TMEM132C: variants seen among roughly 807,000 people sequenced by gnomAD.
TMEM132C encodes the protein protein phosphatase 1, regulatory subunit 152.
Under a neutral mutation model 61.4 loss-of-function variants are expected in TMEM132C, and 29 were observed. The ratio of observed to expected loss-of-function variants is 0.47; its 90% CI spans 0.35 to 0.64. The LOEUF (loss-of-function observed/expected upper bound fraction) is 0.64. TMEM132C is among the 30% of genes least tolerant of loss of function. The pLI, the probability that TMEM132C is intolerant of heterozygous loss-of-function variation, is 0.00. For missense variants in TMEM132C, 1,408 were observed against 1,476.9 expected, an observed-to-expected ratio of 0.95 and a Z score of 0.76; for synonymous variants, 656 against 633.1, an observed-to-expected ratio of 1.04 and a Z score of -0.54.
At chr12:128,579,828 T>C (rs1263359885) in intron 3 of TMEM132C, among the ~76,000 whole-genome samples, 1 of 152,196 alleles carries the variant, frequency 6.6e-6, no homozygotes, top group African/African-American at 2.4e-5. Context: ...CCAGGATAAA[T>C]GTCTTGATCC....
At chr12:128,393,115 T>C (rs182517859) in intron 1 of TMEM132C, among the ~76,000 whole-genome samples, 5 of 152,352 alleles carry the variant, frequency 3.3e-5, no homozygotes, top group East Asian at 1.9e-4. Flanking sequence ...CTAAGCATCA[T>C]TGCTTTAAAA....
chr12:128,295,460 CTG>C (rs34911890), intron 1 of TMEM132C, among the ~76,000 whole-genome samples: 34,588 of 151,784 alleles, frequency 0.23, 4,420 homozygotes, highest in East Asian at 0.5. Flanking sequence ...GATGAGAAAA[CTG>C]AGACGTGTAG....
intron 5 of TMEM132C, among the ~76,000 whole-genome samples, chr12:128,692,020 C>A (rs966570152): frequency 8.1e-5 from 12 of 148,926 alleles, no homozygotes; most frequent in Non-Finnish European, 1.3e-4. Flanking sequence ...ATCCACCCAT[C>A]AGTTCATCTA....
At chr12:128,440,070 T>C (rs1869732022) in intron 2 of TMEM132C, among the ~76,000 whole-genome samples, 1 of 152,210 alleles carries the variant, frequency 6.6e-6, no homozygotes, top group African/African-American at 2.4e-5. Flanking sequence ...AATGTCTACT[T>C]ATAGCTCTCT....
intron 2 of TMEM132C, among the ~76,000 whole-genome samples, chr12:128,481,351 C>T (rs1341153868): frequency 6.6e-6 from 1 of 152,196 alleles, no homozygotes; most frequent in Non-Finnish European, 1.5e-5. Flanking sequence ...CAAGGTTGCT[C>T]ATATGCCAGG....
chr12:128,427,385 GGGGTGTGTGT>G (rs1869222730), intron 2 of TMEM132C, among the ~76,000 whole-genome samples: 1 of 100,706 alleles, frequency 9.9e-6, no homozygotes, highest in Admixed American at 1.1e-4. Flanking sequence ...TACTTCCAAA[GGGGTGTGTGT>G]GTGTGTGTGT....
At chr12:128,280,950 G>A (rs549797261) in intron 1 of TMEM132C, among the ~76,000 whole-genome samples, 1 of 152,278 alleles carries the variant, frequency 6.6e-6, no homozygotes, top group African/African-American at 2.4e-5. Flanking sequence ...AGAGAAAAAT[G>A]TGGGTGTTGT....
At chr12:128,370,585 TGGCCACCACCAGA>T (rs552167738) in intron 1 of TMEM132C, among the ~76,000 whole-genome samples, 8 of 151,632 alleles carry the variant, frequency 5.3e-5, no homozygotes, top group African/African-American at 1.9e-4. Context: ...CAGAGGGAAG[TGGCCACCACCAGA>T]GGCACAGCAC....
chr12:128,563,608 C>T (rs1565975455), intron 3 of TMEM132C, among the ~76,000 whole-genome samples: 1 of 152,158 alleles, frequency 6.6e-6, no homozygotes, highest in Non-Finnish European at 1.5e-5. Context: ...GCCATGCGCT[C>T]TCGGGCAAGT....
At chr12:128,324,698 A>G (rs1386998779) in intron 1 of TMEM132C, among the ~76,000 whole-genome samples, 1 of 152,114 alleles carries the variant, frequency 6.6e-6, no homozygotes, top group East Asian at 1.9e-4. Context: ...TGTCTCTACA[A>G]AAATATACAA....
At chr12:128,526,650 G>C (rs1873095866) in intron 2 of TMEM132C, among the ~76,000 whole-genome samples, 2 of 152,180 alleles carry the variant, frequency 1.3e-5, no homozygotes, top group Admixed American at 1.3e-4. Context: ...AGGCTATGGA[G>C]AAAAATAAAG....
intron 3 of TMEM132C, among the ~76,000 whole-genome samples, chr12:128,589,769 C>T (rs10744382): frequency 0.49 from 68,157 of 139,474 alleles, 16,341 homozygotes; most frequent in East Asian, 0.64. Context: ...CCTTTTTTTT[C>T]CCCTCTTATC....
intron 3 of TMEM132C, among the ~76,000 whole-genome samples, chr12:128,606,661 G>A (rs189599515): frequency 6.6e-6 from 1 of 152,258 alleles, no homozygotes; most frequent in East Asian, 1.9e-4. Flanking sequence ...CTCTGTCAAG[G>A]CCTGTGTGTG....
intron 1 of TMEM132C, among the ~76,000 whole-genome samples, chr12:128,363,819 T>C (rs148060907): frequency 7.1e-6 from 1 of 141,518 alleles, no homozygotes; most frequent in African/African-American, 2.7e-5. Flanking sequence ...CACTGCAGCC[T>C]GAGCAACAGA....
chr12:128,398,050 G>A (rs1438334131), intron 1 of TMEM132C, among the ~76,000 whole-genome samples: 1 of 152,198 alleles, frequency 6.6e-6, no homozygotes, highest in African/African-American at 2.4e-5. Context: ...ATGTCTTGCT[G>A]GTGCAATATT....
intron 8 of TMEM132C, among the ~76,000 whole-genome samples, chr12:128,700,851 G>A (rs1315077944): frequency 1.3e-5 from 2 of 152,244 alleles, no homozygotes; most frequent in Admixed American, 1.3e-4. Context: ...ACATCGCTGA[G>A]CCATCTCTTC....
intron 4 of TMEM132C, among the ~76,000 whole-genome samples, chr12:128,621,762 TCTC>T (rs1318924926): frequency 6.6e-5 from 10 of 152,172 alleles, no homozygotes; most frequent in African/African-American, 1.9e-4. Flanking sequence ...TTTCTGTGGT[TCTC>T]CTCTCTCTGG....
At chr12:128,495,649 T>A (rs1404095167) in intron 2 of TMEM132C, among the ~76,000 whole-genome samples, 1 of 152,176 alleles carries the variant, frequency 6.6e-6, no homozygotes, top group Non-Finnish European at 1.5e-5. Context: ...AGACTAGGAT[T>A]GCAACCCCTG....
At chr12:128,642,094 C>T (rs947443654) in intron 4 of TMEM132C, among the ~76,000 whole-genome samples, 6 of 151,168 alleles carry the variant, frequency 4.0e-5, no homozygotes, top group Non-Finnish European at 5.9e-5. Flanking sequence ...TGAGCCACCA[C>T]GCCCAGCTTA....
Sources: gnomAD v4.1 joint callset for allele counts (sites outside exome capture counted in the v4.1 genomes callset) on GRCh38, gnomAD v4.1.1 for gene constraint, MANE v1.5 for transcripts, NCBI Gene and HGNC (gene_info 2026-07-23, HGNC 2026-07-21) for gene names.